Variants in ADGRD1 observed in about 807,000 individuals in gnomAD.
ADGRD1 encodes G-protein coupled receptor 133.
Under a neutral mutation model 113.4 loss-of-function variants are expected in ADGRD1, and 77 were observed. The observed-to-expected ratio is 0.68, with a 90% CI of 0.57 to 0.82. The LOEUF (loss-of-function observed/expected upper bound fraction) is 0.82, where lower values mean the gene tolerates loss of function less well. Ranked by LOEUF, ADGRD1 falls within the 40% of genes least tolerant of loss-of-function variation. The pLI, the probability that ADGRD1 is intolerant of heterozygous loss-of-function variation, is 0.00. For missense variants in ADGRD1, 1,036 were observed against 1,139.1 expected (o/e 0.91, Z 1.30); for synonymous variants, 474 against 475.0 (o/e 1.00, Z 0.03).
At chr12:131,035,457 C>T (rs1306232566) in intron 13 of ADGRD1, 1 of 152,282 alleles carries the variant, frequency 6.6e-6, no homozygotes, top group Admixed American at 6.5e-5. Context: ...CAGTCACGCC[C>T]CGAGGGGCCC....
chr12:130,996,374 C>G lies in ADGRD1; in HGVS notation c.966+3982C>G, dbSNP rs1053487504. Among the ~76,000 whole-genome samples the G allele has an allele frequency of 1.1e-4, 14 of 128,500 alleles. 1 individual carries two copies. Among genetic ancestry groups the G allele is most frequent in the Admixed American group, 8.2e-4 (11 of 13,426 alleles). 84.3% of individuals were successfully genotyped at this position (128,500 alleles called of 152,430 possible). On this transcript the variant is annotated intron_variant, in intron 8 of 24. Coordinates refer to ENST00000261654, the MANE Select transcript of ADGRD1 (RefSeq NM_198827.5). ...GCGGCCGGGCAGAGGCGCCCCTCAC[C>G]TCCTGGACGGGGCGGCTGGCCGGGC...
chr12:130,964,650 A>G (rs1870807344), intron 2 of ADGRD1, among the ~76,000 whole-genome samples: 1 of 152,194 alleles, frequency 6.6e-6, no homozygotes, highest in African/African-American at 2.4e-5. Flanking sequence ...GCGCCATTGC[A>G]CTCCAGCCTG....
At chr12:130,995,648 G>C (rs1875163487) in intron 8 of ADGRD1, among the ~76,000 whole-genome samples, 1 of 152,100 alleles carries the variant, frequency 6.6e-6, no homozygotes, top group African/African-American at 2.4e-5. Flanking sequence ...TAGGGTGACT[G>C]ATTCTGATTT....
chr12:131,048,211 A>T (rs999648363), intron 13 of ADGRD1, among the ~76,000 whole-genome samples: 2 of 152,230 alleles, frequency 1.3e-5, no homozygotes, highest in African/African-American at 2.4e-5. Context: ...CTGAGGGCGC[A>T]GGGTCAGCCG....
At chr12:130,985,829 G>T (rs888129617) in intron 5 of ADGRD1, among the ~76,000 whole-genome samples, 1 of 152,212 alleles carries the variant, frequency 6.6e-6, no homozygotes, top group Non-Finnish European at 1.5e-5. Context: ...TGAGGTTACA[G>T]GCGTGAGCCA....
At chr12:131,097,146 T>C (rs1011974342) in intron 15 of ADGRD1, among the ~76,000 whole-genome samples, 28 of 152,276 alleles carry the variant, frequency 1.8e-4, no homozygotes, top group African/African-American at 6.7e-4. Flanking sequence ...CTGAGTCAAA[T>C]GTTCCACTCT....
intron 20 of ADGRD1, 151 bp from the exon 21 acceptor site, chr12:131,131,574 A>C: frequency 1.6e-6 from 1 of 607,092 alleles, no homozygotes; most frequent in East Asian, 2.9e-5. Flanking sequence ...CCCACGGAAC[A>C]GGGTGAGATT....
rs1869382393 is a variant in ADGRD1 at position 130,955,119 on chromosome 12, C to G, written c.103+459C>G. On this transcript the variant is annotated intron_variant, in intron 2 of 24. Coordinates refer to ENST00000261654, the MANE Select transcript of ADGRD1 (RefSeq NM_198827.5). ...GGATCACAGGTGTGCACCACTACACCCAGCTTTTTTTTTTTTTGTATTTTT... is the reference window on the plus strand; with the variant it reads ...GGATCACAGGTGTGCACCACTACACGCAGCTTTTTTTTTTTTTGTATTTTT... Among the ~76,000 whole-genome samples the G allele has an allele frequency of 5.8e-5, 3 of 51,820 alleles. No homozygotes were observed. The South Asian group carries it at 1.6e-3, about 28-fold the overall frequency. 34.0% of individuals were successfully genotyped at this position (51,820 alleles called of 152,430 possible).
intron 15 of ADGRD1, among the ~76,000 whole-genome samples, chr12:131,094,083 C>G (rs949566029): frequency 8.0e-5 from 12 of 150,474 alleles, no homozygotes; most frequent in African/African-American, 2.9e-4. Flanking sequence ...CAGCCCTGAG[C>G]ACCCAGTCTC....
chr12:130,997,307 A>AC (rs1875666621), intron 8 of ADGRD1, among the ~76,000 whole-genome samples: 1 of 113,160 alleles, frequency 8.8e-6, no homozygotes, highest in Non-Finnish European at 1.8e-5. Context: ...GCGGGGGCTG[A>AC]CCCCCACCTC....
intron 19 of ADGRD1, 41 bp downstream of exon 19, chr12:131,118,492 T>A: frequency 6.8e-7 from 1 of 1,469,726 alleles, no homozygotes; most frequent in Non-Finnish European, 9.4e-7. Flanking sequence ...AGGCGTTCCA[T>A]GGAACAGCTT....
In ADGRD1 at chr12:130,987,245, A is replaced by G. The variant is rs1566003438; in HGVS notation, c.641A>G (p.Gln214Arg). The change falls in exon 6 of 25, where the codon CAG becomes CGG. Residue 214 changes from glutamine (Q) to arginine (R), a missense_variant. Gln to Arg is a conservative substitution (Grantham distance 43). Transcript: ENST00000261654. Reference protein sequence around the residue: ...SNVNLVIGSEQDQAKCYENGA... With the variant: ...SNVNLVIGSERDQAKCYENGA... ...GTCAACCTCGTGATAGGGTCTGAGCAGGACCAGGCCAAGTGTTATGAGAAC... is the reference window on the plus strand; with the variant it reads ...GTCAACCTCGTGATAGGGTCTGAGCGGGACCAGGCCAAGTGTTATGAGAAC... 1 of 1,614,254 alleles carries G rather than the reference A, an allele frequency of 6.2e-7. No homozygotes were observed. The highest frequency in any genetic ancestry group is 1.1e-5 in the South Asian group (1 of 91,088).
chr12:131,136,153 A>G lies in ADGRD1; in HGVS notation c.2384A>G (p.Asn795Ser). ...TTCCAGTACATGTTTGCCACGCTCA[A>G]CTCCCTGCAGGTGAGAGCCGCGGGG... is the stretch of plus-strand genomic sequence containing the variant. ...VVFQYMFATL[N>S]SLQGLFIFLF... The change falls in exon 22 of 25, where the codon AAC becomes AGC. Residue 795 changes from asparagine (N) to serine (S), a missense_variant. By Grantham distance (46) the Asn-to-Ser change is conservative (BLOSUM62 1). Coordinates refer to ENST00000261654, the MANE Select transcript of ADGRD1 (RefSeq NM_198827.5). The G allele has an allele frequency of 6.2e-7, 1 of 1,613,626 alleles. No homozygotes were observed. Among genetic ancestry groups the G allele is most frequent in the Non-Finnish European group, 8.5e-7 (1 of 1,179,886 alleles).
At position 131,004,230 on chromosome 12, in the gene ADGRD1, C is replaced by T. The variant is rs765674236; in HGVS notation, c.1189C>T (p.His397Tyr). Residue 397 changes from histidine (H) to tyrosine (Y), a missense_variant, in exon 11 of 25, where the codon CAT (histidine) becomes TAT (tyrosine). Transcript: ENST00000261654. ...KILPKTVNSSHYRFPAHGQSF... is the reference protein window; with the variant it reads ...KILPKTVNSSYYRFPAHGQSF... ...CCTGCCCAAGACCGTGAATTCCTCC[C>T]ATTACCGCTTCCCGGCCCACGGGCA... 4.3e-6 allele frequency: 7 copies of T among 1,613,884 alleles called. No homozygotes were observed. The African/African-American group carries it at 9.3e-5, about 22-fold the overall frequency.
At chr12:131,024,000 G>T (rs1879648167) in intron 13 of ADGRD1, 1 of 152,232 alleles carries the variant, frequency 6.6e-6, no homozygotes, top group African/African-American at 2.4e-5. Context: ...GTGGATTTAA[G>T]TCATTTCTGA....
At chr12:131,054,131 A>G (rs757921065) in intron 13 of ADGRD1, among the ~76,000 whole-genome samples, 3 of 152,200 alleles carry the variant, frequency 2.0e-5, no homozygotes, top group Admixed American at 6.5e-5. Flanking sequence ...AAACACACTT[A>G]CTGAGGTGTA....
intron 21 of ADGRD1, among the ~76,000 whole-genome samples, chr12:131,133,958 T>A (rs925543787): frequency 6.6e-6 from 1 of 152,208 alleles, no homozygotes; most frequent in Non-Finnish European, 1.5e-5. Context: ...TCCACAGGGT[T>A]GGCTTTCACT....
intron 3 of ADGRD1, chr12:130,968,835 T>G (rs1161706340): frequency 4.9e-6 from 3 of 610,038 alleles, no homozygotes; most frequent in Middle Eastern, 2.6e-4. Flanking sequence ...CTGGGGGATG[T>G]GAGGTCCGAA....
intron 15 of ADGRD1, among the ~76,000 whole-genome samples, chr12:131,085,092 T>C (rs561497423): frequency 9.2e-5 from 14 of 152,234 alleles, no homozygotes; most frequent in African/African-American, 3.4e-4. Flanking sequence ...GAAAGACAGA[T>C]AATAAACAAA....
Sources: gnomAD v4.1 joint callset for allele counts (sites outside exome capture counted in the v4.1 genomes callset) on GRCh38, gnomAD v4.1.1 for gene constraint, MANE v1.5 for transcripts, NCBI Gene and HGNC (gene_info 2026-07-23, HGNC 2026-07-21) for gene names.